CDH18: variants seen among roughly 807,000 people sequenced by gnomAD.
CDH18 encodes cadherin-18.
CDH18 carries 31 observed loss-of-function variants against 67.9 expected under a neutral mutation model. That is an observed-to-expected ratio of 0.46 (90% confidence interval 0.34 to 0.62). CDH18 has a LOEUF of 0.62. Among genes scored for constraint, CDH18 ranks in the 20% least tolerant of loss-of-function variants. CDH18 has a pLI of 0.01. For synonymous variants in CDH18, 362 were observed against 347.2 expected (o/e 1.04, Z -0.48); for missense variants, 890 against 975.5 (o/e 0.91, Z 1.17).
rs70954623 is a variant in CDH18 at position 19,935,795 on chromosome 5, ACTCT to A, written c.-257+45261_-257+45264del. Among the ~76,000 whole-genome samples the A allele has an allele frequency of 4.8e-3, 564 of 117,274 alleles. 3 individuals are homozygous for A. The highest frequency in any genetic ancestry group is 9.4e-3 in the African/African-American group (299 of 31,964). 76.9% of individuals were successfully genotyped at this position (117,274 alleles called of 152,430 possible). On this transcript the variant is annotated intron_variant, in intron 2 of 12. Transcript: ENST00000382275. The stretch of plus-strand genomic sequence containing the variant: ...AGCTAGCTTTTACATACAGTCAGGA[ACTCT>A]CTCTCTCTCTCTCTCTCTCTCTCTC...
intron 2 of CDH18, among the ~76,000 whole-genome samples, chr5:20,209,770 TA>T (rs2126369577): frequency 6.6e-6 from 1 of 151,650 alleles, no homozygotes; most frequent in African/African-American, 2.4e-5. Context: ...GTTCCTATCA[TA>T]AAGAAAATAC....
intron 3 of CDH18, among the ~76,000 whole-genome samples, chr5:19,814,929 T>G (rs1779129733): frequency 6.6e-6 from 1 of 151,818 alleles, no homozygotes; most frequent in Middle Eastern, 3.2e-3. Context: ...AAGTTCACAA[T>G]GTGAATAAAT....
chr5:20,454,453 CA>C (rs1430481828), intron 1 of CDH18, among the ~76,000 whole-genome samples: 1 of 151,744 alleles, frequency 6.6e-6, no homozygotes, highest in Non-Finnish European at 1.5e-5. Context: ...GAAAATAGTT[CA>C]AAAGCACATT....
At chr5:19,558,969 T>G (rs1738951460) in intron 8 of CDH18, among the ~76,000 whole-genome samples, 1 of 152,112 alleles carries the variant, frequency 6.6e-6, no homozygotes, top group South Asian at 2.1e-4. Context: ...GTTTTCTAGT[T>G]TACTATGAAC....
At chr5:20,264,116 A>G (rs960040326) in intron 1 of CDH18, among the ~76,000 whole-genome samples, 3 of 152,126 alleles carry the variant, frequency 2.0e-5, no homozygotes, top group Non-Finnish European at 4.4e-5. Context: ...CCTCATTATT[A>G]TTTTAATACA....
chr5:19,770,807 G>C (rs1386458623), intron 3 of CDH18, among the ~76,000 whole-genome samples: 1 of 152,140 alleles, frequency 6.6e-6, no homozygotes, highest in Non-Finnish European at 1.5e-5. Context: ...AGGAATAGCT[G>C]TATTCATTTT....
chr5:19,526,172 G>A (rs1747725658), intron 9 of CDH18, among the ~76,000 whole-genome samples: 1 of 152,084 alleles, frequency 6.6e-6, no homozygotes, highest in Non-Finnish European at 1.5e-5. Context: ...CGGTAACTAT[G>A]TCAACTTTAT....
At chr5:20,022,694 G>C (rs1468277685) in intron 2 of CDH18, among the ~76,000 whole-genome samples, 1 of 151,884 alleles carries the variant, frequency 6.6e-6, no homozygotes, top group Non-Finnish European at 1.5e-5. Context: ...CAAAAGTTAA[G>C]AAAAAAACAA....
chr5:20,514,443 T>C (rs1372456102), intron 1 of CDH18, among the ~76,000 whole-genome samples: 1 of 152,154 alleles, frequency 6.6e-6, no homozygotes, highest in East Asian at 1.9e-4. Flanking sequence ...CGTCATGCTT[T>C]TTAAAAAGTC....
chr5:20,423,668 G>A (rs1004981929), intron 1 of CDH18, among the ~76,000 whole-genome samples: 5 of 150,824 alleles, frequency 3.3e-5, no homozygotes, highest in African/African-American at 9.9e-5. Flanking sequence ...CCTAGAGGCC[G>A]GGCGCGGTGG....
At chr5:19,945,812 T>C (rs967703106) in intron 2 of CDH18, among the ~76,000 whole-genome samples, 2 of 151,858 alleles carry the variant, frequency 1.3e-5, no homozygotes, top group Non-Finnish European at 2.9e-5. Context: ...AAAAATTTGG[T>C]CAACACAGAA....
chr5:19,636,880 AAC>A (rs1238081443), intron 5 of CDH18, among the ~76,000 whole-genome samples: 2 of 152,094 alleles, frequency 1.3e-5, no homozygotes, highest in Non-Finnish European at 2.9e-5. Context: ...GGCATTTTGC[AAC>A]AGTTTTCTTT....
chr5:20,120,665 T>A (rs777737697), intron 2 of CDH18, among the ~76,000 whole-genome samples: 1 of 152,176 alleles, frequency 6.6e-6, no homozygotes, highest in Non-Finnish European at 1.5e-5. Flanking sequence ...GGGCAAGGCC[T>A]ATGTTTATTC....
At chr5:19,798,394 T>G (rs1331489909) in intron 3 of CDH18, among the ~76,000 whole-genome samples, 9 of 152,066 alleles carry the variant, frequency 5.9e-5, no homozygotes, top group African/African-American at 2.2e-4. Flanking sequence ...ATAAAAATCT[T>G]CATTAAAAAA....
chr5:20,120,566 G>A (rs1425457364), intron 2 of CDH18, among the ~76,000 whole-genome samples: 5 of 152,072 alleles, frequency 3.3e-5, no homozygotes, highest in African/African-American at 1.2e-4. Flanking sequence ...AAGGGAGTCT[G>A]TATTACTAAA....
At chr5:20,066,300 T>A (rs1742971740) in intron 2 of CDH18, among the ~76,000 whole-genome samples, 1 of 152,104 alleles carries the variant, frequency 6.6e-6, no homozygotes, top group Non-Finnish European at 1.5e-5. Context: ...TCTGATGCAG[T>A]GTCATTTGAG....
intron 2 of CDH18, among the ~76,000 whole-genome samples, chr5:19,960,549 G>A (rs1796691215): frequency 1.0e-5 from 1 of 96,992 alleles, no homozygotes; most frequent in Non-Finnish European, 1.8e-5. Flanking sequence ...TAATATACGT[G>A]TGTGTGTGTG....
intron 9 of CDH18, among the ~76,000 whole-genome samples, chr5:19,542,252 G>A (rs1750395262): frequency 6.6e-6 from 1 of 152,056 alleles, no homozygotes; most frequent in Admixed American, 6.6e-5. Flanking sequence ...CCACTAGAAT[G>A]GCTATAATAA....
intron 2 of CDH18, among the ~76,000 whole-genome samples, chr5:19,953,450 GT>G (rs1469047295): frequency 6.6e-6 from 1 of 151,734 alleles, no homozygotes. Flanking sequence ...TAGAATTTCT[GT>G]TTGTTTATTA....
Sources: allele counts gnomAD v4.1 joint callset (sites outside exome capture counted in the v4.1 genomes callset), GRCh38; gene constraint gnomAD v4.1.1; transcripts MANE v1.5; gene names NCBI Gene and HGNC (gene_info 2026-07-23, HGNC 2026-07-21).